SP110: variants seen among roughly 807,000 people sequenced by gnomAD.
The protein encoded by SP110 is SP110 nuclear body protein.
SP110 carries 62 observed loss-of-function variants against 92.7 expected under a neutral mutation model. That is an observed-to-expected ratio of 0.67 (90% confidence interval 0.55 to 0.83). SP110 has a LOEUF of 0.83. Ranked by LOEUF, SP110 falls within the 40% of genes least tolerant of loss-of-function variation. SP110 has a pLI of 0.00. For missense variants in SP110, 793 were observed against 863.9 expected, an observed-to-expected ratio of 0.92 and a Z score of 1.03; for synonymous variants, 273 against 305.3, an observed-to-expected ratio of 0.89 and a Z score of 1.10.
rs115116751 is a variant in SP110, at chr2:230,170,693, C to T, written c.1956G>A (p.Thr652=). ...CAAACCATGCCACCGTGTACATTTC[C>T]GTAATCAGCCTTTCCTTAACCAGGT... ...WLDLVKERLI[T]EMYTVAWFVR... is the part of the protein sequence containing the mutation. The change falls in exon 18 of 19, where the codon ACG becomes ACA. Residue 652 remains threonine (T), a synonymous_variant. Transcript: ENST00000258381. 2.2e-4 allele frequency: 348 copies of T among 1,614,088 alleles called. 1 individual carries two copies. Among genetic ancestry groups the T allele is most frequent in the Non-Finnish European group, 2.7e-4 (315 of 1,179,978 alleles).
At position 230,202,570 on chromosome 2, in the gene SP110, C is replaced by T. The variant is rs774635834; in HGVS notation, c.1048+9G>A. 1.2e-6 allele frequency: 2 copies of T among 1,613,806 alleles called. No homozygotes were observed. The highest frequency in any genetic ancestry group is 1.7e-6 in the Non-Finnish European group (2 of 1,179,634). ...CCATTCAAATGGCAGATTCCATCAT[C>T]AGCCTTACCCTCTGATCTCGACTTT... On this transcript the variant is annotated intron_variant, in intron 9 of 18. Transcript: ENST00000258381.
chr2:230,189,133 T>G (rs1319455328), intron 10 of SP110, among the ~76,000 whole-genome samples: 2 of 152,156 alleles, frequency 1.3e-5, no homozygotes, highest in East Asian at 3.8e-4. Context: ...CTATCAATTT[T>G]GTTTATCTTT....
chr2:230,173,014 G>T, intron 14 of SP110, 55 bp from the exon 15 acceptor site: 1 of 1,166,312 alleles, frequency 8.6e-7, no homozygotes, highest in Non-Finnish European at 1.3e-6. Context: ...CACGAATGCT[G>T]ACCCTGTGGG....
intron 1 of SP110, among the ~76,000 whole-genome samples, chr2:230,219,356 G>A (rs975489451): frequency 6.6e-6 from 1 of 152,204 alleles, no homozygotes; most frequent in African/African-American, 2.4e-5. Flanking sequence ...AAGGTCAACA[G>A]GTCCAAATGT....
At chr2:230,182,740 A>G (rs2042184233) in intron 12 of SP110, among the ~76,000 whole-genome samples, 1 of 152,076 alleles carries the variant, frequency 6.6e-6, no homozygotes, top group Non-Finnish European at 1.5e-5. Flanking sequence ...TGTGTGTGTG[A>G]ATCCATCAAG....
chr2:230,211,647 A>G lies in SP110; in HGVS notation c.668-94T>C, dbSNP rs750357493. ...GAATGCTCTATTCCAACAAGTAAAA[A>G]TGACGGGGTAACAGCAACCAAGGCC... On this transcript the variant is annotated intron_variant, in intron 5 of 18. Coordinates refer to ENST00000258381, the MANE Select transcript of SP110 (RefSeq NM_080424.4). The surrounding 1 kb of genome is among the most constrained non-coding windows in gnomAD (Gnocchi z 4.2). The G allele has an allele frequency of 1.2e-6, 1 of 827,082 alleles. No individual in the cohort carries two copies. The highest frequency in any genetic ancestry group is 2.1e-6 in the Non-Finnish European group (1 of 475,622). The allele number at this position is 827,082 out of a possible 1,614,324, so 51.2% of individuals were successfully genotyped here. A position where few individuals can be genotyped will look rare whatever the true frequency, so the allele number is the denominator to read the frequency against.
chr2:230,187,799 T>A (rs2042424485), intron 10 of SP110, among the ~76,000 whole-genome samples: 1 of 152,202 alleles, frequency 6.6e-6, no homozygotes, highest in South Asian at 2.1e-4. Flanking sequence ...ATCAGTTGGT[T>A]TTAAGTATTT....
chr2:230,218,688 A>G (rs1376675979), intron 1 of SP110, among the ~76,000 whole-genome samples: 2 of 152,198 alleles, frequency 1.3e-5, no homozygotes, highest in Non-Finnish European at 2.9e-5. Context: ...AACTCACCCA[A>G]GGTATTCAGT....
chr2:230,197,542 G>A (rs1332024732), intron 10 of SP110, among the ~76,000 whole-genome samples: 4 of 147,934 alleles, frequency 2.7e-5, no homozygotes, highest in African/African-American at 1.0e-4. Context: ...AAGCTCTTTA[G>A]TTTAATTAGA....
intron 1 of SP110, among the ~76,000 whole-genome samples, chr2:230,217,636 G>C (rs1235283335): frequency 2.0e-5 from 3 of 152,184 alleles, no homozygotes; most frequent in Admixed American, 2.0e-4. Flanking sequence ...TACTGTTGAG[G>C]AACTGAGACA....
intron 10 of SP110, among the ~76,000 whole-genome samples, chr2:230,191,460 G>C (rs2042628702): frequency 6.6e-6 from 1 of 152,116 alleles, no homozygotes; most frequent in Non-Finnish European, 1.5e-5. Context: ...TATCATCACT[G>C]ATCCCACAGA....
intron 9 of SP110, 84 bp from the exon 10 acceptor site, chr2:230,201,049 T>C: frequency 9.5e-7 from 1 of 1,054,374 alleles, no homozygotes; most frequent in South Asian, 1.3e-5. Context: ...CCTTGCACAC[T>C]CTGAAGTTGA....
chr2:230,177,549 C>G lies in SP110; in HGVS notation c.1579G>C (p.Glu527Gln), dbSNP rs200928586. 31 of 1,614,018 alleles carry G rather than the reference C, an allele frequency of 1.9e-5. No individual in the cohort carries two copies. The highest frequency in any genetic ancestry group is 2.6e-5 in the Non-Finnish European group (31 of 1,179,952). ...CGTCATTATAATACCTTCAGCAGCT[C>G]TCCTAGGGTCATTCCTTCACAACGT... ...NIRCEGMTLG[E>Q]LLKRKNSDEC... Residue 527 changes from glutamate to glutamine, a missense_variant, in exon 14 of 19, where the codon GAG becomes CAG. Coordinates refer to ENST00000258381, the MANE Select transcript of SP110 (RefSeq NM_080424.4).
upstream of SP110, among the ~76,000 whole-genome samples, chr2:230,223,403 G>A (rs968540660): frequency 1.3e-5 from 2 of 152,158 alleles, no homozygotes; most frequent in Non-Finnish European, 2.9e-5. Flanking sequence ...CAAAGGGCAA[G>A]TGAGTCAATA....
intron 17 of SP110, chr2:230,171,363 A>G (rs1044408290): frequency 2.7e-6 from 1 of 370,640 alleles, no homozygotes. Flanking sequence ...AAGTGCTGGG[A>G]TTACAGGCGT....
At chr2:230,178,321 C>T in intron 12 of SP110, 66 bp from the exon 13 acceptor site, 1 of 922,654 alleles carries the variant, frequency 1.1e-6, no homozygotes, top group South Asian at 1.4e-5. Context: ...TGAATTCTCC[C>T]CTCCATGAAT....
chr2:230,225,245 C>G (rs1344702461), intron 1 of SP110, among the ~76,000 whole-genome samples: 1 of 152,214 alleles, frequency 6.6e-6, no homozygotes, highest in South Asian at 2.1e-4. Context: ...AACCTCAGCA[C>G]TTGCCTTTGG....
chr2:230,213,285 G>T (rs142196612), intron 3 of SP110, among the ~76,000 whole-genome samples: 1 of 152,296 alleles, frequency 6.6e-6, no homozygotes, highest in Non-Finnish European at 1.5e-5. Context: ...ACACATAAAA[G>T]TTGAGTTTGG....
chr2:230,175,343 A>G (rs2041809877), intron 14 of SP110, among the ~76,000 whole-genome samples: 1 of 152,218 alleles, frequency 6.6e-6, no homozygotes, highest in African/African-American at 2.4e-5. Flanking sequence ...ATGTATTTAA[A>G]CAAATATCTA....
Sources: allele counts gnomAD v4.1 joint callset (sites outside exome capture counted in the v4.1 genomes callset), GRCh38; gene constraint gnomAD v4.1.1; non-coding constraint Gnocchi (gnomAD v3.1); transcripts MANE v1.5; gene names NCBI Gene and HGNC (gene_info 2026-07-23, HGNC 2026-07-21).